SH2B1: variants seen among roughly 807,000 people sequenced by gnomAD.
The protein encoded by SH2B1 is SH2B adaptor protein 1, also known as SH2B adapter protein 1.
SH2B1 carries 15 observed loss-of-function variants against 62.6 expected under a neutral mutation model. The observed-to-expected ratio is 0.24, with a 90% CI of 0.16 to 0.37. SH2B1 has a LOEUF of 0.37. SH2B1 is among the 10% of genes least tolerant of loss of function. The pLI, the probability that SH2B1 is intolerant of heterozygous loss-of-function variation, is 1.00. For missense variants in SH2B1, 925 were observed against 1,015.6 expected (o/e 0.91, Z 1.21); for synonymous variants, 443 against 438.0 (o/e 1.01, Z -0.14).
upstream of SH2B1, among the ~76,000 whole-genome samples, chr16:28,861,464 G>A (rs186587112): frequency 1.2e-3 from 173 of 140,732 alleles, 2 homozygotes; most frequent in African/African-American, 4.5e-3. Flanking sequence ...ACGGAGTCTC[G>A]CTCTGTCGCC....
intron 1 of SH2B1, among the ~76,000 whole-genome samples, chr16:28,852,701 T>TAC (rs1348284474): frequency 7.1e-5 from 3 of 42,486 alleles, no homozygotes; most frequent in African/African-American, 2.5e-4. Context: ...TTTATATATA[T>TAC]ACATATATAT....
At position 28,852,837 on chromosome 16, in the gene SH2B1, TATAC is replaced by T. The variant is rs1186087039; in HGVS notation, c.-301+6014_-301+6017del. Among the ~76,000 whole-genome samples the T allele has an allele frequency of 1.5e-3, 116 of 77,804 alleles. 22 individuals are homozygous for T. The highest frequency in any genetic ancestry group is 0.015 in the Middle Eastern group (1 of 66). The allele number at this position is 77,804 out of a possible 152,430, so 51.0% of individuals were successfully genotyped here. On this transcript the variant is annotated intron_variant, in intron 1 of 10. Coordinates refer to the SH2B1 transcript ENST00000322610. ...ATATTTACATATATATTTATATATA[TATAC>T]ATATATATATTTTTATATATATTTA...
rs1321838178 is a variant in SH2B1 at position 28,853,014 on chromosome 16, TTATATATGTACA to T, written c.-301+6207_-301+6218del. 1.8e-4 allele frequency among the ~76,000 whole-genome samples: 14 copies of T among 77,104 alleles called. 1 individual carries two copies. Among genetic ancestry groups the T allele is most frequent in the African/African-American group, 3.5e-4 (5 of 14,216 alleles). 50.6% of individuals were successfully genotyped at this position (77,104 alleles called of 152,430 possible). Reference sequence around the variant, plus strand: ...TGTACATATATATGTACATATATATTTATATATGTACATATATATGTACATATATATTTATAT... The same window carrying T: ...TGTACATATATATGTACATATATATTTATATATGTACATATATATTTATAT... On this transcript the variant is annotated intron_variant, in intron 1 of 10. Coordinates refer to the SH2B1 transcript ENST00000322610.
Position 28,866,577 on chromosome 16 carries a change from T to A in SH2B1, c.483T>A (p.Ser161=). 6.2e-7 allele frequency: 1 copy of A among 1,614,082 alleles called. No individual in the cohort carries two copies. Among genetic ancestry groups the A allele is most frequent in the East Asian group, 2.2e-5 (1 of 44,864 alleles). Residue 161 remains serine, a synonymous_variant, in exon 1 of 8, where the codon TCT becomes TCA. Coordinates refer to ENST00000684370, the MANE Select transcript of SH2B1 (RefSeq NM_001387430.1). The surrounding 1 kb of genome is among the most constrained non-coding windows in gnomAD (Gnocchi z 6.3). The part of the protein sequence containing the change: ...KRFSLRSVGR[S]VRGSVRGILQ... ...TTTCCCTGCGTTCAGTGGGTCGCTC[T>A]GTCCGAGGCTCAGTCCGTGGCATCC...
Position 28,865,801 on chromosome 16 carries a change from G to T in SH2B1, c.-294G>T. 8.4e-7 allele frequency: 1 copy of T among 1,191,336 alleles called. No homozygotes were observed. The highest frequency in any genetic ancestry group is 3.3e-4 in the Middle Eastern group (1 of 2,998). The allele number at this position is 1,191,336 out of a possible 1,614,324, so 73.8% of individuals were successfully genotyped here. ...AGGAAAGTGGGGGCAAATGTGGCAG[G>T]CTCGGGGCAGGTTAGACGCTGGGGA... On this transcript the variant is annotated 5_prime_UTR_variant, in exon 1 of 8. Coordinates refer to ENST00000684370, the MANE Select transcript of SH2B1 (RefSeq NM_001387430.1).
chr16:28,866,781 G>A lies in SH2B1; in HGVS notation c.687G>A (p.Glu229=). The stretch of plus-strand genomic sequence containing the variant: ...GGGAAAGATGGACTCACCGTTTTGA[G>A]AGGCTGAGACTCAGTCGGGGAGGGG... The part of the protein sequence containing the change: ...SPGERWTHRF[E]RLRLSRGGGA... Residue 229 remains glutamate (E), a synonymous_variant, in exon 1 of 8, where the codon GAG becomes GAA. Coordinates refer to ENST00000684370, the MANE Select transcript of SH2B1 (RefSeq NM_001387430.1). The surrounding 1 kb of genome is among the most constrained non-coding windows in gnomAD (Gnocchi z 6.3). 1.9e-6 allele frequency: 3 copies of A among 1,581,028 alleles called. No individual in the cohort carries two copies. Among genetic ancestry groups the A allele is most frequent in the Non-Finnish European group, 2.6e-6 (3 of 1,164,526 alleles).
Position 28,871,161 on chromosome 16 carries a change from GTGTGCACCACTACGTCCAGC to G in SH2B1, c.1310-617_1310-598del, listed in dbSNP as rs1371001155. Reference sequence around the variant, plus strand: ...GCCTCCCAGGTAGCTAGGATTACAGGTGTGCACCACTACGTCCAGCTAATTTTTGTATTTTTAGTAGAGAT... The same window carrying G: ...GCCTCCCAGGTAGCTAGGATTACAGGTAATTTTTGTATTTTTAGTAGAGAT... On this transcript the variant is annotated intron_variant, in intron 4 of 7. Transcript: ENST00000684370. 3.3e-5 allele frequency among the ~76,000 whole-genome samples: 5 copies of G among 152,074 alleles called. No individual in the cohort carries two copies. The South Asian group carries it at 6.2e-4, about 19-fold the overall frequency.
Position 28,872,940 on chromosome 16 carries a change from CG to C in SH2B1, c.1897+238del. On this transcript the variant is annotated intron_variant, in intron 7 of 7. Coordinates refer to ENST00000684370, the MANE Select transcript of SH2B1 (RefSeq NM_001387430.1). The surrounding 1 kb of genome is among the most constrained non-coding windows in gnomAD (Gnocchi z 5.3). ...GCCGGGGCGGCAGCTGAGAGGTGGGCGGGCGCATCCCCATTCCATCGGATCC... is the reference window on the plus strand; with the variant it reads ...GCCGGGGCGGCAGCTGAGAGGTGGGCGGCGCATCCCCATTCCATCGGATCC... The C allele has an allele frequency of 1.5e-6, 1 of 648,846 alleles. No individual in the cohort carries two copies. The highest frequency in any genetic ancestry group is 1.9e-5 in the South Asian group (1 of 53,156). The allele number at this position is 648,846 out of a possible 1,614,324, so 40.2% of individuals were successfully genotyped here. A position where few individuals can be genotyped will look rare whatever the true frequency, so the allele number is the denominator to read the frequency against.
intron 4 of SH2B1, 57 bp downstream of exon 4, chr16:28,869,440 GC>G: frequency 6.6e-7 from 1 of 1,507,226 alleles, no homozygotes; most frequent in African/African-American, 1.4e-5. Context: ...CGGGGCCCCT[GC>G]TGTCAGGCGC....
chr16:28,852,247 C>CAT (rs778643659), intron 1 of SH2B1, among the ~76,000 whole-genome samples: 17 of 63,284 alleles, frequency 2.7e-4, no homozygotes, highest in Admixed American at 6.6e-4. Context: ...TATATATTTA[C>CAT]ATATATATAT....
At position 28,873,828 on chromosome 16, in the gene SH2B1, C is replaced by T. The variant is rs1356419507; in HGVS notation, c.*8C>T. 2.8e-6 allele frequency: 4 copies of T among 1,423,116 alleles called. No homozygotes were observed. In the South Asian group the frequency reaches 4.7e-5, roughly 17 times the overall value. The allele number at this position is 1,423,116 out of a possible 1,614,324, so 88.2% of individuals were successfully genotyped here. ...CAGTACTCCTTCGTGTGAGCCAACC[C>T]CACCCGCTCCACCCTTTTTAAACCC... On this transcript the variant is annotated 3_prime_UTR_variant, in exon 8 of 8. Coordinates refer to ENST00000684370, the MANE Select transcript of SH2B1 (RefSeq NM_001387430.1). This position sits in a 1 kb window ranked among gnomAD's most constrained non-coding sequence, Gnocchi z 4.2.
At chr16:28,854,376 T>A (rs1469323189) in intron 1 of SH2B1, among the ~76,000 whole-genome samples, 4 of 152,140 alleles carry the variant, frequency 2.6e-5, no homozygotes. Context: ...GCACTTGGAA[T>A]AAAATCCAAA....
rs907562664 is a variant in SH2B1, at chr16:28,872,468, G to C, written c.1726-66G>C. 6 of 1,571,258 alleles carry C rather than the reference G, an allele frequency of 3.8e-6. No individual in the cohort carries two copies. The highest frequency in any genetic ancestry group is 1.2e-5 in the South Asian group (1 of 83,700). On this transcript the variant is annotated intron_variant, in intron 6 of 7. Transcript: ENST00000684370. The surrounding 1 kb of genome is among the most constrained non-coding windows in gnomAD (Gnocchi z 5.3). ...GGCAGTGGGGTGGGGGAGCACTGCC[G>C]GGGGAGGGGGTTTGTACCTGGCAGG... is the stretch of plus-strand genomic sequence containing the variant.
rs1962582839 is a variant in SH2B1 at position 28,864,573 on chromosome 16, C to CT, written c.-1520dup. ...CAGGAGGAAGGGGAGGGTTCACCGA[C>CT]TTACAGCCTGGCTGTAGGTTTGAAC... On this transcript the variant is annotated 5_prime_UTR_variant, in exon 1 of 8. Transcript: ENST00000684370. 5 of 985,696 alleles carry CT rather than the reference C, an allele frequency of 5.1e-6. No individual in the cohort carries two copies. In the South Asian group the frequency reaches 2.3e-4, roughly 46 times the overall value. 61.1% of individuals were successfully genotyped at this position (985,696 alleles called of 1,614,324 possible).
intron 4 of SH2B1, among the ~76,000 whole-genome samples, chr16:28,871,246 A>G (rs945500190): frequency 2.0e-5 from 3 of 152,026 alleles, no homozygotes; most frequent in African/African-American, 7.2e-5. Context: ...TCGAACTCCT[A>G]AGCTCAAGTG....
rs1296295428 is a variant in SH2B1, at chr16:28,866,050, C to T, written c.-45C>T. 2 of 1,507,260 alleles carry T rather than the reference C, an allele frequency of 1.3e-6. No individual in the cohort carries two copies. Among genetic ancestry groups the T allele is most frequent in the Non-Finnish European group, 1.8e-6 (2 of 1,136,554 alleles). 93.4% of individuals were successfully genotyped at this position (1,507,260 alleles called of 1,614,324 possible). A position where few individuals can be genotyped will look rare whatever the true frequency, so the allele number is the denominator to read the frequency against. ...CCCCTCGTCTTCTGGCTGCCTCCCTCTTTGTGCCCCACAGGCTCCCCCTCT... is the reference window on the plus strand; with the variant it reads ...CCCCTCGTCTTCTGGCTGCCTCCCTTTTTGTGCCCCACAGGCTCCCCCTCT... On this transcript the variant is annotated 5_prime_UTR_variant, in exon 1 of 8. Transcript: ENST00000684370. The surrounding 1 kb of genome is among the most constrained non-coding windows in gnomAD (Gnocchi z 6.3).
At chr16:28,857,846 T>C (rs1379134420) in intron 1 of SH2B1, among the ~76,000 whole-genome samples, 4 of 151,496 alleles carry the variant, frequency 2.6e-5, no homozygotes, top group Non-Finnish European at 5.9e-5. Context: ...TTCACGCCAT[T>C]CTCCTGCCTC....
intron 1 of SH2B1, among the ~76,000 whole-genome samples, chr16:28,848,177 AC>A (rs1168177203): frequency 6.6e-6 from 1 of 150,818 alleles, no homozygotes; most frequent in East Asian, 2.0e-4. Context: ...GGTGGCTCAC[AC>A]CTGTAATCCT....
At chr16:28,863,617 G>T, upstream of SH2B1, 1 of 1,453,242 alleles carries the variant, frequency 6.9e-7, no homozygotes, top group African/African-American at 1.4e-5. Flanking sequence ...CCGGGAGGAC[G>T]CTCTGGTGGG....
Sources: gnomAD v4.1 joint callset for allele counts (sites outside exome capture counted in the v4.1 genomes callset) on GRCh38, gnomAD v4.1.1 for gene constraint, Gnocchi (gnomAD v3.1) non-coding constraint, MANE v1.5 for transcripts, NCBI Gene and HGNC (gene_info 2026-07-23, HGNC 2026-07-21) for gene names.